TBL1XR1: variants seen among roughly 807,000 people sequenced by gnomAD.
The protein encoded by TBL1XR1 is F-box-like/WD repeat-containing protein TBL1XR1.
A neutral mutation model predicts 66.9 loss-of-function variants in TBL1XR1; 5 were observed. That is an observed-to-expected ratio of 0.07 (90% confidence interval 0.04 to 0.16). The LOEUF is 0.16. Ranked by LOEUF, TBL1XR1 falls within the 10% of genes least tolerant of loss-of-function variation. TBL1XR1 has a pLI of 1.00. For synonymous variants in TBL1XR1, 210 were observed against 206.0 expected (o/e 1.02, Z -0.17); for missense variants, 238 against 623.2 (o/e 0.38, Z 6.58).
At chr3:177,077,273 A>G (rs546603501) in intron 2 of TBL1XR1, among the ~76,000 whole-genome samples, 1 of 152,214 alleles carries the variant, frequency 6.6e-6, no homozygotes, top group South Asian at 2.1e-4. Flanking sequence ...TAATAGTTTT[A>G]TTAGTATTAT....
intron 10 of TBL1XR1, among the ~76,000 whole-genome samples, chr3:177,043,819 T>C (rs1715949127): frequency 6.6e-6 from 1 of 152,220 alleles, no homozygotes; most frequent in Admixed American, 6.5e-5. Context: ...CATTTTCTTC[T>C]CCTTTGATGG....
rs1712824687 is a variant in TBL1XR1, at chr3:177,024,625, A to AG, written c.*872dup. 6.7e-6 allele frequency: 1 copy of AG among 150,036 alleles called. No individual in the cohort carries two copies. The highest frequency in any genetic ancestry group is 1.5e-5 in the Non-Finnish European group (1 of 67,434). The allele number at this position is 150,036 out of a possible 1,614,324, so 9.3% of individuals were successfully genotyped here. A position where few individuals can be genotyped will look rare whatever the true frequency, so the allele number is the denominator to read the frequency against. On this transcript the variant is annotated 3_prime_UTR_variant, in exon 16 of 16. Transcript: ENST00000457928. ...TCTTCTCTATGGTAATTAAAAAAAAAGTTGTGCCCTTCTAGTCTTTAATTG... is the reference window on the plus strand; with the variant it reads ...TCTTCTCTATGGTAATTAAAAAAAAAGGTTGTGCCCTTCTAGTCTTTAATTG...
chr3:177,036,349 C>T (rs1471187709), intron 12 of TBL1XR1, among the ~76,000 whole-genome samples: 1 of 152,208 alleles, frequency 6.6e-6, no homozygotes, highest in Non-Finnish European at 1.5e-5. Flanking sequence ...TCGCATGACT[C>T]AGCGTCACCT....
intron 7 of TBL1XR1, 99 bp from the exon 8 acceptor site, chr3:177,047,648 G>A: frequency 2.2e-6 from 3 of 1,344,406 alleles, no homozygotes; most frequent in Non-Finnish European, 3.1e-6. Flanking sequence ...AGAAGAGAAT[G>A]AAGACATTCT....
At chr3:177,038,474 T>A in intron 10 of TBL1XR1, 40 bp from the exon 11 acceptor site, 3 of 1,454,742 alleles carry the variant, frequency 2.1e-6, no homozygotes, top group Non-Finnish European at 2.7e-6. Flanking sequence ...TTATTCCACA[T>A]GTACTAAAAT....
chr3:177,080,515 T>C (rs1285398824), intron 2 of TBL1XR1, among the ~76,000 whole-genome samples: 4 of 152,210 alleles, frequency 2.6e-5, no homozygotes, highest in Non-Finnish European at 5.9e-5. Flanking sequence ...GCTTGTGATA[T>C]CCTTCTGTGT....
intron 7 of TBL1XR1, 23 bp downstream of exon 7, chr3:177,049,974 A>G: frequency 6.2e-7 from 1 of 1,611,354 alleles, no homozygotes; most frequent in Non-Finnish European, 8.5e-7. Flanking sequence ...AATTATATCC[A>G]TCATGGATAT....
At chr3:177,168,527 C>T (rs1733097369) in intron 1 of TBL1XR1, among the ~76,000 whole-genome samples, 1 of 152,100 alleles carries the variant, frequency 6.6e-6, no homozygotes, top group Non-Finnish European at 1.5e-5. Context: ...GGTGATCCAC[C>T]CACCTGGGCC....
At chr3:177,165,564 T>G (rs942694286) in intron 1 of TBL1XR1, among the ~76,000 whole-genome samples, 1 of 152,138 alleles carries the variant, frequency 6.6e-6, no homozygotes, top group Non-Finnish European at 1.5e-5. Flanking sequence ...ACCTCAAGAC[T>G]TCCTAAAAAG....
intron 1 of TBL1XR1, among the ~76,000 whole-genome samples, chr3:177,137,630 C>T (rs186616076): frequency 6.6e-6 from 1 of 152,304 alleles, no homozygotes; most frequent in East Asian, 1.9e-4. Context: ...TACTGCTCCT[C>T]CTTCCCAAGG....
At chr3:177,200,252 G>A (rs905938821), upstream of TBL1XR1, among the ~76,000 whole-genome samples, 2 of 152,194 alleles carry the variant, frequency 1.3e-5, no homozygotes, top group African/African-American at 4.8e-5. Flanking sequence ...GATTACAGGC[G>A]TGAGCCACTG....
chr3:177,075,223 G>A (rs1232267636), intron 2 of TBL1XR1, among the ~76,000 whole-genome samples: 4 of 152,134 alleles, frequency 2.6e-5, no homozygotes, highest in Admixed American at 6.5e-5. Flanking sequence ...GGCTTGTAGC[G>A]GCAAAATTAG....
intron 1 of TBL1XR1, among the ~76,000 whole-genome samples, chr3:177,163,682 G>C (rs1053375329): frequency 6.6e-6 from 1 of 152,052 alleles, no homozygotes; most frequent in Non-Finnish European, 1.5e-5. Context: ...AAAATATCTG[G>C]AAGGATACAA....
rs538620595 is a variant in TBL1XR1 at position 177,155,376 on chromosome 3, T to C, written c.-122+41745A>G. ...AACATAGCCACAGACTCCACATTAA[T>C]TGAAAGAATATTAAGCTAATAATTT... On this transcript the variant is annotated intron_variant, in intron 1 of 15. Coordinates refer to ENST00000457928, the MANE Select transcript of TBL1XR1 (RefSeq NM_024665.7). Among the ~76,000 whole-genome samples, 89 of 152,274 alleles carry C rather than the reference T, an allele frequency of 5.8e-4. 1 individual carries two copies. Among genetic ancestry groups the C allele is most frequent in the African/African-American group, 2.0e-3 (83 of 41,558 alleles).
At chr3:177,158,137 C>T (rs756082307) in intron 1 of TBL1XR1, among the ~76,000 whole-genome samples, 1 of 144,698 alleles carries the variant, frequency 6.9e-6, no homozygotes, top group Non-Finnish European at 1.5e-5. Context: ...GTTTTTATAA[C>T]ATTATTTCTA....
At chr3:177,084,088 AAAAAAAAAAAAAAAG>A (rs1164471903) in intron 2 of TBL1XR1, among the ~76,000 whole-genome samples, 1 of 82,312 alleles carries the variant, frequency 1.2e-5, no homozygotes, top group East Asian at 4.6e-4. Context: ...ACTCCGTCTC[AAAAAAAAAAAAAAAG>A]AAAAAAGAAA....
chr3:177,032,043 AC>A (rs970852953), intron 14 of TBL1XR1, among the ~76,000 whole-genome samples: 1 of 152,216 alleles, frequency 6.6e-6, no homozygotes, highest in Admixed American at 6.5e-5. Context: ...CAAATTTAAA[AC>A]TATGCTGAAA....
rs1179703144 is a variant in TBL1XR1 at position 177,023,063 on chromosome 3, G to A, written c.*2435C>T. 1.3e-5 allele frequency: 2 copies of A among 151,970 alleles called. No individual in the cohort carries two copies. The highest frequency in any genetic ancestry group is 3.9e-4 in the East Asian group (2 of 5,188). 9.4% of individuals were successfully genotyped at this position (151,970 alleles called of 1,614,324 possible). A position where few individuals can be genotyped will look rare whatever the true frequency, so the allele number is the denominator to read the frequency against. On this transcript the variant is annotated 3_prime_UTR_variant, in exon 16 of 16. Coordinates refer to ENST00000457928, the MANE Select transcript of TBL1XR1 (RefSeq NM_024665.7). ...GAAAAGATGACAATATCATAAAAAT[G>A]TAGCTGTCTATTTTGGCAGCTATAT...
intron 1 of TBL1XR1, among the ~76,000 whole-genome samples, chr3:177,111,819 C>A (rs963730456): frequency 6.6e-6 from 1 of 151,636 alleles, no homozygotes; most frequent in Non-Finnish European, 1.5e-5. Context: ...CATTTATTCA[C>A]AGAAAGAGAA....
Sources: allele counts gnomAD v4.1 joint callset (sites outside exome capture counted in the v4.1 genomes callset), GRCh38; gene constraint gnomAD v4.1.1; transcripts MANE v1.5; gene names NCBI Gene and HGNC (gene_info 2026-07-23, HGNC 2026-07-21).